MAN1A2: variants seen among roughly 807,000 people sequenced by gnomAD.
The protein encoded by MAN1A2 is mannosidase alpha class 1A member 2.
Under a neutral mutation model 75.7 loss-of-function variants are expected in MAN1A2, and 26 were observed. The ratio of observed to expected loss-of-function variants is 0.34; its 90% CI spans 0.25 to 0.48. MAN1A2 has a LOEUF of 0.48. MAN1A2 is among the 20% of genes least tolerant of loss of function. The pLI, the probability that MAN1A2 is intolerant of heterozygous loss-of-function variation, is 0.99. For missense variants in MAN1A2, 562 were observed against 775.5 expected, an observed-to-expected ratio of 0.72 and a Z score of 3.27; for synonymous variants, 247 against 264.6, an observed-to-expected ratio of 0.93 and a Z score of 0.65.
chr1:117,423,213 C>G (rs1446174470), intron 5 of MAN1A2, among the ~76,000 whole-genome samples: 2 of 152,120 alleles, frequency 1.3e-5, no homozygotes. Context: ...TGGGTCTACT[C>G]TAGACATTCT....
rs1252628808 is a variant in MAN1A2 at position 117,526,517 on chromosome 1, AC to A, written c.*3561del. On this transcript the variant is annotated 3_prime_UTR_variant, in exon 13 of 13. Transcript: ENST00000356554. The stretch of plus-strand genomic sequence containing the variant: ...AAAGAAATACTTGATTTCTGATGCA[AC>A]TTTGACTAAAATATTTACTTTAGAA... 1 of 151,792 alleles carries A rather than the reference AC, an allele frequency of 6.6e-6. No homozygotes were observed. The highest frequency in any genetic ancestry group is 2.4e-5 in the African/African-American group (1 of 41,406). 9.4% of individuals were successfully genotyped at this position (151,792 alleles called of 1,614,324 possible). A position where few individuals can be genotyped will look rare whatever the true frequency, so the allele number is the denominator to read the frequency against.
At chr1:117,422,083 C>G (rs938011245) in intron 5 of MAN1A2, among the ~76,000 whole-genome samples, 11 of 152,182 alleles carry the variant, frequency 7.2e-5, no homozygotes, top group Non-Finnish European at 1.3e-4. Flanking sequence ...TATTTACGTA[C>G]AGTAAAATTC....
At chr1:117,510,053 A>G (rs1307484697) in intron 12 of MAN1A2, among the ~76,000 whole-genome samples, 1 of 151,904 alleles carries the variant, frequency 6.6e-6, no homozygotes, top group Non-Finnish European at 1.5e-5. Flanking sequence ...CCATATTGGC[A>G]TATATAAATC....
intron 6 of MAN1A2, among the ~76,000 whole-genome samples, chr1:117,445,866 G>GTATATATATATATATATATA (rs1255167664): frequency 3.3e-5 from 4 of 120,168 alleles, no homozygotes; most frequent in East Asian, 4.9e-4. Flanking sequence ...GTGTATGTGT[G>GTATATATATATATATATATA]TGTGTGTCTG....
intron 1 of MAN1A2, among the ~76,000 whole-genome samples, chr1:117,375,451 A>C (rs1653103238): frequency 2.0e-5 from 3 of 152,188 alleles, no homozygotes; most frequent in African/African-American, 7.2e-5. Flanking sequence ...GAAATTAAGT[A>C]ATCTGGAGAT....
At chr1:117,430,965 C>G (rs1279341245) in intron 5 of MAN1A2, among the ~76,000 whole-genome samples, 1 of 136,528 alleles carries the variant, frequency 7.3e-6, no homozygotes, top group Non-Finnish European at 1.6e-5. Context: ...CCCGGCACCT[C>G]GGGAGGCTGA....
chr1:117,410,531 T>C (rs1367315308), intron 3 of MAN1A2, among the ~76,000 whole-genome samples: 3 of 151,506 alleles, frequency 2.0e-5, no homozygotes, highest in Non-Finnish European at 3.0e-5. Flanking sequence ...TCCCCTAAGA[T>C]TGCAAGCTAG....
chr1:117,502,914 C>T lies in MAN1A2; in HGVS notation c.1737C>T (p.Ser579=). ...TTTCTGGAGTCAAAGATGTATATTC[C>T]TCTACTCCTACACATGATGATGTAC... ...GGFSGVKDVY[S]STPTHDDVQQ... is the part of the protein sequence containing the mutation. The change falls in exon 12 of 13, where the codon TCC becomes TCT. Residue 579 remains serine (S), a synonymous_variant. Coordinates refer to ENST00000356554, the MANE Select transcript of MAN1A2 (RefSeq NM_006699.5). The T allele has an allele frequency of 6.2e-7, 1 of 1,608,114 alleles. No homozygotes were observed. Among genetic ancestry groups the T allele is most frequent in the African/African-American group, 1.3e-5 (1 of 74,602 alleles).
intron 6 of MAN1A2, among the ~76,000 whole-genome samples, chr1:117,452,579 C>G (rs1049945484): frequency 1.3e-4 from 20 of 152,192 alleles, no homozygotes; most frequent in Admixed American, 4.6e-4. Flanking sequence ...TTCTCTTAAG[C>G]CAAAGCCTAA....
At chr1:117,506,588 A>G (rs1651380462) in intron 12 of MAN1A2, among the ~76,000 whole-genome samples, 1 of 151,740 alleles carries the variant, frequency 6.6e-6, no homozygotes, top group Admixed American at 6.6e-5. Context: ...ACTCTAGTAC[A>G]GGAAATAAAA....
chr1:117,381,995 T>A (rs1480145679), intron 1 of MAN1A2, among the ~76,000 whole-genome samples: 1 of 151,958 alleles, frequency 6.6e-6, no homozygotes, highest in Non-Finnish European at 1.5e-5. Flanking sequence ...TTTTGAGAAG[T>A]GTCTGTTCAT....
chr1:117,371,377 A>C (rs540416311), intron 1 of MAN1A2, among the ~76,000 whole-genome samples: 1 of 152,280 alleles, frequency 6.6e-6, no homozygotes, highest in African/African-American at 2.4e-5. Context: ...TAAATAAATA[A>C]TTTTGTTTTT....
intron 1 of MAN1A2, among the ~76,000 whole-genome samples, chr1:117,391,302 T>C (rs1653710711): frequency 6.6e-6 from 1 of 152,204 alleles, no homozygotes; most frequent in African/African-American, 2.4e-5. Flanking sequence ...GTCAATTAGG[T>C]CAAGTTGGTT....
chr1:117,394,329 G>T (rs942566328), intron 1 of MAN1A2, among the ~76,000 whole-genome samples: 1 of 151,990 alleles, frequency 6.6e-6, no homozygotes, highest in African/African-American at 2.4e-5. Context: ...TGATCCGCCC[G>T]CCTCGGCCTC....
chr1:117,372,012 C>T (rs553794151), intron 1 of MAN1A2, among the ~76,000 whole-genome samples: 1 of 152,174 alleles, frequency 6.6e-6, no homozygotes, highest in Non-Finnish European at 1.5e-5. Flanking sequence ...TTTGCAAATT[C>T]TAGTCAGGAT....
At chr1:117,472,614 C>T (rs747512137) in intron 8 of MAN1A2, among the ~76,000 whole-genome samples, 2 of 151,906 alleles carry the variant, frequency 1.3e-5, no homozygotes, top group Non-Finnish European at 1.5e-5. Flanking sequence ...GTTTCTAGGA[C>T]AATACATTCT....
chr1:117,390,819 A>G (rs1653692144), intron 1 of MAN1A2, among the ~76,000 whole-genome samples: 1 of 151,894 alleles, frequency 6.6e-6, no homozygotes, highest in South Asian at 2.1e-4. Flanking sequence ...ATTTCAGTCT[A>G]AGAAGTACTT....
In MAN1A2 at chr1:117,455,454, G is replaced by T; in HGVS notation, c.951-5035G>T. On this transcript the variant is annotated intron_variant, in intron 6 of 12. Coordinates refer to ENST00000356554, the MANE Select transcript of MAN1A2 (RefSeq NM_006699.5). ...TTCATTTGTCATAACCCATTGAATG[G>T]TGTACCTGAAAGGATGCATTTTTGT... is the stretch of plus-strand genomic sequence containing the variant. 1.3e-5 allele frequency among the ~76,000 whole-genome samples: 2 copies of T among 152,060 alleles called. 1 individual carries two copies. The highest frequency in any genetic ancestry group is 6.3e-3 in the Middle Eastern group (2 of 316).
chr1:117,381,500 A>G (rs1285536483), intron 1 of MAN1A2, among the ~76,000 whole-genome samples: 1 of 152,014 alleles, frequency 6.6e-6, no homozygotes, highest in Non-Finnish European at 1.5e-5. Context: ...CCATGTCCCT[A>G]CAAAGGACAT....
Sources: allele counts gnomAD v4.1 joint callset (sites outside exome capture counted in the v4.1 genomes callset), GRCh38; gene constraint gnomAD v4.1.1; transcripts MANE v1.5; gene names NCBI Gene and HGNC (gene_info 2026-07-23, HGNC 2026-07-21).